The following RYR2 variants were observed in gnomAD, a reference collection of about 807,000 sequenced individuals.
RYR2 encodes the protein cardiac muscle ryanodine receptor-calcium release channel.
A neutral mutation model predicts 601.1 loss-of-function variants in RYR2; 227 were observed. That is an observed-to-expected ratio of 0.38 (90% CI 0.34 to 0.42). The LOEUF is 0.42. Ranked by LOEUF, RYR2 falls within the 10% of genes least tolerant of loss-of-function variation. RYR2 has a pLI of 1.00. For synonymous variants in RYR2, 2,223 were observed against 2,175.1 expected (o/e 1.02, Z -0.61); for missense variants, 4,646 against 6,156.5 (o/e 0.75, Z 8.21).
At chr1:237,355,464 A>T (rs1370154027) in intron 3 of RYR2, among the ~76,000 whole-genome samples, 1 of 152,138 alleles carries the variant, frequency 6.6e-6, no homozygotes, top group Non-Finnish European at 1.5e-5. Flanking sequence ...TAACTTCAGA[A>T]CTATTTGTTA....
In RYR2 at chr1:237,496,578, T is replaced by A. The variant is rs750815004; in HGVS notation, c.2029T>A (p.Leu677Met). The stretch of plus-strand genomic sequence containing the variant: ...TCAGTATAAGAAATGGTACTATGAA[T>A]TGATGGTGGACCACACAGAGCCCTT... Reference protein sequence around the residue: ...SAQYKKWYYELMVDHTEPFVT... With the variant: ...SAQYKKWYYEMMVDHTEPFVT... The change falls in exon 20 of 105, where the codon TTG (leucine) becomes ATG (methionine). Residue 677 changes from leucine (L) to methionine (M), a missense_variant. Coordinates refer to ENST00000366574, the MANE Select transcript of RYR2 (RefSeq NM_001035.3). 2.5e-6 allele frequency: 4 copies of A among 1,613,910 alleles called. No homozygotes were observed. The African/African-American group carries it at 5.3e-5, about 22-fold the overall frequency.
chr1:237,709,299 A>C (rs978285310), intron 69 of RYR2, among the ~76,000 whole-genome samples, 181 bp from the exon 70 acceptor site: 4 of 152,180 alleles, frequency 2.6e-5, no homozygotes, highest in Non-Finnish European at 5.9e-5. Context: ...CTGATTTTGC[A>C]TGTAAAAGTT....
At chr1:237,730,091 CTA>C (rs1230775344) in intron 76 of RYR2, among the ~76,000 whole-genome samples, 167 bp from the exon 77 acceptor site, 3 of 152,062 alleles carry the variant, frequency 2.0e-5, no homozygotes, top group Non-Finnish European at 4.4e-5. Context: ...TCACTGTGCG[CTA>C]TGTTTGCTGC....
chr1:237,674,923 C>A, intron 60 of RYR2, 77 bp downstream of exon 60: 1 of 755,900 alleles, frequency 1.3e-6, no homozygotes, highest in Non-Finnish European at 2.2e-6. Context: ...TATAGAACAA[C>A]ACAGGCTGCT....
chr1:237,609,926 C>G (rs1677641046), intron 35 of RYR2, among the ~76,000 whole-genome samples: 1 of 145,616 alleles, frequency 6.9e-6, no homozygotes, highest in Non-Finnish European at 1.5e-5. Flanking sequence ...GTATTTAAAC[C>G]AGTACTTGGT....
At chr1:237,198,237 T>C (rs1315080584) in intron 1 of RYR2, among the ~76,000 whole-genome samples, 1 of 152,200 alleles carries the variant, frequency 6.6e-6, no homozygotes, top group African/African-American at 2.4e-5. Context: ...TCAGCTGTGA[T>C]AAATACAGTT....
At chr1:237,801,078 A>G (rs1250928362) in intron 97 of RYR2, among the ~76,000 whole-genome samples, 1 of 152,232 alleles carries the variant, frequency 6.6e-6, no homozygotes, top group East Asian at 1.9e-4. Context: ...TTTCATTTAT[A>G]AAATAAGGTA....
chr1:237,794,898 G>A (rs991324284), intron 95 of RYR2, among the ~76,000 whole-genome samples: 2 of 152,222 alleles, frequency 1.3e-5, no homozygotes, highest in Non-Finnish European at 2.9e-5. Flanking sequence ...GTGAGGATAA[G>A]TGGTGGGAAA....
At chr1:237,061,321 A>G (rs1378281438) in intron 1 of RYR2, among the ~76,000 whole-genome samples, 3 of 145,978 alleles carry the variant, frequency 2.1e-5, no homozygotes, top group Admixed American at 7.1e-5. Flanking sequence ...CTATCTATCT[A>G]TCTAATCATC....
At chr1:237,161,403 A>C (rs998657723) in intron 1 of RYR2, among the ~76,000 whole-genome samples, 2 of 152,164 alleles carry the variant, frequency 1.3e-5, no homozygotes, top group African/African-American at 4.8e-5. Context: ...AATGAATTTA[A>C]ATATTACTAA....
intron 2 of RYR2, among the ~76,000 whole-genome samples, chr1:237,324,958 C>A (rs564940746): frequency 6.6e-6 from 1 of 152,314 alleles, no homozygotes; most frequent in Non-Finnish European, 1.5e-5. Flanking sequence ...GTCATTAGGG[C>A]TCTAACTGCC....
In RYR2 at chr1:237,454,590, C is replaced by T. The variant is rs771757353; in HGVS notation, c.1476+16C>T. 6.2e-7 allele frequency: 1 copy of T among 1,610,130 alleles called. No homozygotes were observed. Among genetic ancestry groups the T allele is most frequent in the Admixed American group, 1.7e-5 (1 of 59,508 alleles). On this transcript the variant is annotated intron_variant, in intron 15 of 104. Transcript: ENST00000366574. Reference sequence around the variant, plus strand: ...CCAGGAAGAGGTCCGTTTCTATCAACACTCATTTCTCTTCTGTTATTCTCT... The same window carrying T: ...CCAGGAAGAGGTCCGTTTCTATCAATACTCATTTCTCTTCTGTTATTCTCT...
chr1:237,687,610 G>T, intron 63 of RYR2, 106 bp downstream of exon 63: 1 of 850,944 alleles, frequency 1.2e-6, no homozygotes, highest in South Asian at 1.5e-5. Context: ...ATGTTTGCAT[G>T]GCTGCATGCA....
chr1:237,404,208 T>C (rs534395831), intron 10 of RYR2, among the ~76,000 whole-genome samples: 36 of 152,308 alleles, frequency 2.4e-4, no homozygotes, highest in African/African-American at 7.2e-4. Context: ...GAGCTGTGAT[T>C]GCAACACTGC....
At chr1:237,437,873 AT>A (rs1707555524) in intron 12 of RYR2, among the ~76,000 whole-genome samples, 1 of 152,202 alleles carries the variant, frequency 6.6e-6, no homozygotes, top group African/African-American at 2.4e-5. Context: ...GAATAAGATA[AT>A]GCTTATAAGA....
At chr1:237,750,570 T>C (rs1400372787) in intron 80 of RYR2, among the ~76,000 whole-genome samples, 1 of 150,976 alleles carries the variant, frequency 6.6e-6, no homozygotes, top group Non-Finnish European at 1.5e-5. Context: ...TTAAATATAG[T>C]ATGTAATATA....
At chr1:237,770,771 G>T in intron 84 of RYR2, 36 bp from the exon 85 acceptor site, 1 of 1,367,032 alleles carries the variant, frequency 7.3e-7, no homozygotes, top group Non-Finnish European at 1.0e-6. Context: ...AGGCTGGGGT[G>T]GCTGGTAATG....
intron 44 of RYR2, among the ~76,000 whole-genome samples, chr1:237,637,715 C>T (rs1156668734): frequency 6.6e-6 from 1 of 152,130 alleles, no homozygotes; most frequent in Non-Finnish European, 1.5e-5. Context: ...TGAGTGGATT[C>T]AGTTTTTACA....
rs1033959988 is a variant in RYR2, at chr1:237,072,959, A to C, written c.48+30390A>C. ...CGAGACTCCATCTCAAAAAAAAAAAAAAAAACAAAAACTCATCTGTTAGTA... is the reference window on the plus strand; with the variant it reads ...CGAGACTCCATCTCAAAAAAAAAAACAAAAACAAAAACTCATCTGTTAGTA... On this transcript the variant is annotated intron_variant, in intron 1 of 104. Transcript: ENST00000366574. 1.7e-4 allele frequency among the ~76,000 whole-genome samples: 25 copies of C among 150,376 alleles called. 1 individual carries two copies. Among genetic ancestry groups the C allele is most frequent in the African/African-American group, 5.9e-4 (24 of 41,024 alleles).
Sources: allele counts gnomAD v4.1 joint callset (sites outside exome capture counted in the v4.1 genomes callset), GRCh38; gene constraint gnomAD v4.1.1; transcripts MANE v1.5; gene names NCBI Gene and HGNC (gene_info 2026-07-23, HGNC 2026-07-21).